Variants in URB1 observed in about 807,000 individuals in gnomAD.
URB1 encodes nucleolar pre-ribosomal-associated protein 1.
A neutral mutation model predicts 242.3 loss-of-function variants in URB1; 197 were observed. The observed-to-expected ratio is 0.81, with a 90% CI of 0.72 to 0.91. The LOEUF is 0.91. Among genes scored for constraint, URB1 ranks in the 40% least tolerant of loss-of-function variants. The pLI, the probability that URB1 is intolerant of heterozygous loss-of-function variation, is 0.00. For synonymous variants in URB1, 1,153 were observed against 1,201.8 expected (o/e 0.96, Z 0.84); for missense variants, 2,721 against 2,860.5 (o/e 0.95, Z 1.11).
At chr21:32,329,011 GGTGCT>G (rs1164547089) in intron 30 of URB1, among the ~76,000 whole-genome samples, 1 of 151,962 alleles carries the variant, frequency 6.6e-6, no homozygotes, top group Non-Finnish European at 1.5e-5. Context: ...AGCCTCCCAA[GGTGCT>G]GTAATCCCCC....
At position 32,313,786 on chromosome 21, in the gene URB1, A is replaced by T. The variant is rs1190869510; in HGVS notation, c.*1132T>A. ...GCATGCAGGAGAGTTTTAAAGGAAC[A>T]GACGGAAATTTTAACTGTGAAAACC... On this transcript the variant is annotated 3_prime_UTR_variant, in exon 39 of 39. Coordinates refer to ENST00000382751, the MANE Select transcript of URB1 (RefSeq NM_014825.3). The T allele has an allele frequency of 6.6e-6, 1 of 152,304 alleles. No homozygotes were observed. Among genetic ancestry groups the T allele is most frequent in the African/African-American group, 2.4e-5 (1 of 41,468 alleles). The allele number at this position is 152,304 out of a possible 1,614,324, so 9.4% of individuals were successfully genotyped here.
chr21:32,384,247 G>A, intron 3 of URB1, 66 bp downstream of exon 3: 2 of 1,507,586 alleles, frequency 1.3e-6, no homozygotes, highest in South Asian at 1.3e-5. Context: ...AAATGCACCT[G>A]CGGAGAGCTG....
In URB1 at chr21:32,361,120, T is replaced by A. The variant is rs765609737; in HGVS notation, c.1643A>T (p.Asp548Val). The A allele has an allele frequency of 9.0e-6, 12 of 1,333,668 alleles. No homozygotes were observed. Among genetic ancestry groups the A allele is most frequent in the Non-Finnish European group, 1.2e-5 (12 of 1,041,694 alleles). 82.6% of individuals were successfully genotyped at this position (1,333,668 alleles called of 1,614,324 possible). The change falls in exon 13 of 39, where the codon GAT becomes GTT. Residue 548 changes from aspartate (D) to valine (V), a missense_variant. Asp to Val is a radical substitution (Grantham distance 152). Coordinates refer to ENST00000382751, the MANE Select transcript of URB1 (RefSeq NM_014825.3). The part of the protein sequence containing the change: ...PAACDAHQCD[D>V]AETILLKAVL... ...AGCTTTCAAAAGAATGGTTTCTGCA[T>A]CATCTGCACAAAAAAAAGAAAAAGA... is the stretch of plus-strand genomic sequence containing the variant.
Position 32,316,704 on chromosome 21 carries a change from G to A in URB1, c.6396C>T (p.His2132=). ...IGWLKSHILP[H]PVVVADLLKD... ...TAAGGAGGTCAGCCACGACCACAGG[G>A]TGTGGCAAAATATGGCTCTTAAGCC... Residue 2132 remains histidine (H), a synonymous_variant, in exon 38 of 39, where the codon CAC becomes CAT. Transcript: ENST00000382751. 1.3e-6 allele frequency: 2 copies of A among 1,551,424 alleles called. No homozygotes were observed. Among genetic ancestry groups the A allele is most frequent in the Non-Finnish European group, 1.7e-6 (2 of 1,146,870 alleles).
chr21:32,357,333 C>T (rs1209337308), intron 15 of URB1, among the ~76,000 whole-genome samples: 1 of 125,564 alleles, frequency 8.0e-6, no homozygotes, highest in South Asian at 2.6e-4. Flanking sequence ...AAAAAAAAAA[C>T]ATTTTTCCAA....
chr21:32,335,579 G>A (rs902033531), intron 28 of URB1: 1 of 152,284 alleles, frequency 6.6e-6, no homozygotes, highest in Non-Finnish European at 1.5e-5. Context: ...TCTAAATACA[G>A]GTTCGCTTCT....
intron 24 of URB1, among the ~76,000 whole-genome samples, chr21:32,343,460 A>C (rs1049383284): frequency 6.6e-6 from 1 of 152,196 alleles, no homozygotes; most frequent in African/African-American, 2.4e-5. Flanking sequence ...CAAGTATACA[A>C]AGGTCTCAAA....
At chr21:32,373,310 G>A (rs2033425392) in intron 7 of URB1, among the ~76,000 whole-genome samples, 1 of 152,122 alleles carries the variant, frequency 6.6e-6, no homozygotes, top group Admixed American at 6.6e-5. Flanking sequence ...AGAATGGAAG[G>A]ATGGGAAGGC....
intron 24 of URB1, among the ~76,000 whole-genome samples, chr21:32,343,374 T>C (rs1250800507): frequency 1.3e-5 from 2 of 152,140 alleles, no homozygotes; most frequent in Non-Finnish European, 2.9e-5. Context: ...CATGGATGAA[T>C]CTGGAAAGCA....
rs1319298894 is a variant in URB1, at chr21:32,375,470, G to C, written c.678C>G (p.Cys226Trp). 1.3e-6 allele frequency: 2 copies of C among 1,520,938 alleles called. No homozygotes were observed. The highest frequency in any genetic ancestry group is 1.8e-6 in the Non-Finnish European group (2 of 1,130,310). 94.2% of individuals were successfully genotyped at this position (1,520,938 alleles called of 1,614,324 possible). A position where few individuals can be genotyped will look rare whatever the true frequency, so the allele number is the denominator to read the frequency against. The change falls in exon 6 of 39, where the codon TGC becomes TGG. Residue 226 changes from cysteine to tryptophan, a missense_variant. Coordinates refer to ENST00000382751, the MANE Select transcript of URB1 (RefSeq NM_014825.3). ...CTTCCTTTATCCCTGAGCTAAAAAT[G>C]CAAGGAATAAATTCTGAAAGTAAAA... ...QVLEVKEFIPCIFSSGIKEDR... is the reference protein window; with the variant it reads ...QVLEVKEFIPWIFSSGIKEDR...
chr21:32,349,284 C>T lies in URB1; in HGVS notation c.3012+20G>A. The T allele has an allele frequency of 6.6e-7, 1 of 1,512,054 alleles. No individual in the cohort carries two copies. Among genetic ancestry groups the T allele is most frequent in the South Asian group, 1.3e-5 (1 of 77,402 alleles). 93.7% of individuals were successfully genotyped at this position (1,512,054 alleles called of 1,614,324 possible). A position where few individuals can be genotyped will look rare whatever the true frequency, so the allele number is the denominator to read the frequency against. ...GCCCATGACTCTGAGAATAGGCTAC[C>T]AGGCAACCTGTGGCGGTACCTGATC... On this transcript the variant is annotated intron_variant, in intron 21 of 38. Transcript: ENST00000382751.
At chr21:32,384,516 T>G in intron 2 of URB1, 52 bp from the exon 3 acceptor site, 1 of 1,529,086 alleles carries the variant, frequency 6.5e-7, no homozygotes, top group Non-Finnish European at 8.8e-7. Context: ...CCTTTCCTCC[T>G]GTACATATAT....
intron 24 of URB1, among the ~76,000 whole-genome samples, chr21:32,342,280 C>T (rs1391181912): frequency 6.6e-6 from 1 of 152,112 alleles, no homozygotes; most frequent in Non-Finnish European, 1.5e-5. Flanking sequence ...GGTTGGATGA[C>T]ATGAAGAGGT....
chr21:32,332,963 G>T lies in URB1; in HGVS notation c.4960+354C>A, dbSNP rs116385393. The T allele has an allele frequency of 1.8e-3, 506 of 288,314 alleles. 1 individual carries two copies. Among genetic ancestry groups the T allele is most frequent in the African/African-American group, 0.011 (468 of 43,576 alleles). 17.9% of individuals were successfully genotyped at this position (288,314 alleles called of 1,614,324 possible). A position where few individuals can be genotyped will look rare whatever the true frequency, so the allele number is the denominator to read the frequency against. ...GCCAAGAAAAAGGCAACCTCAGCAG[G>T]CTGACCCATTATCAGGACTAAAATC... On this transcript the variant is annotated intron_variant, in intron 30 of 38. Transcript: ENST00000382751.
chr21:32,315,687 G>A (rs2032671481), intron 38 of URB1, among the ~76,000 whole-genome samples: 2 of 152,206 alleles, frequency 1.3e-5, no homozygotes, highest in South Asian at 4.1e-4. Context: ...TGCCAAGAAT[G>A]ACAATGAAAT....
Position 32,338,687 on chromosome 21 carries a change from G to A in URB1, c.4510+20C>T, listed in dbSNP as rs575293244. The A allele has an allele frequency of 9.0e-6, 14 of 1,550,316 alleles. No individual in the cohort carries two copies. The highest frequency in any genetic ancestry group is 1.2e-5 in the Non-Finnish European group (14 of 1,146,806). ...GATAAAATCTGGATACGGAATGGAA[G>A]GGCTGGGGTGAGGGGTCACCTTTTA... On this transcript the variant is annotated intron_variant, in intron 26 of 38. Coordinates refer to ENST00000382751, the MANE Select transcript of URB1 (RefSeq NM_014825.3).
At chr21:32,358,104 C>G (rs1170624734) in intron 14 of URB1, among the ~76,000 whole-genome samples, 7 of 152,156 alleles carry the variant, frequency 4.6e-5, no homozygotes, top group African/African-American at 1.4e-4. Context: ...AGGTCCTTAC[C>G]TCATCTCATT....
At chr21:32,361,187 G>GAAAGAAAGAAAC in intron 12 of URB1, 64 bp from the exon 13 acceptor site, 2 of 843,210 alleles carry the variant, frequency 2.4e-6, no homozygotes, top group Non-Finnish European at 3.5e-6. Flanking sequence ...AAGAAAGAAA[G>GAAAGAAAGAAAC]AAAGAAAGAA....
intron 10 of URB1, among the ~76,000 whole-genome samples, chr21:32,364,754 T>A (rs1568826333): frequency 6.6e-6 from 1 of 151,938 alleles, no homozygotes; most frequent in African/African-American, 2.4e-5. Context: ...CTAAAATGTA[T>A]GCTTTAAAAG....
Sources: allele counts gnomAD v4.1 joint callset (sites outside exome capture counted in the v4.1 genomes callset), GRCh38; gene constraint gnomAD v4.1.1; transcripts MANE v1.5; gene names NCBI Gene and HGNC (gene_info 2026-07-23, HGNC 2026-07-21).